The following ANKRD30A variants were observed in gnomAD, a reference collection of about 807,000 sequenced individuals.
ANKRD30A encodes ankyrin repeat domain-containing protein 30A.
Under a neutral mutation model 166.3 loss-of-function variants are expected in ANKRD30A, and 170 were observed. That is an observed-to-expected ratio of 1.02 (90% confidence interval 0.90 to 1.16). The LOEUF (loss-of-function observed/expected upper bound fraction) is 1.16. Among genes scored for constraint, ANKRD30A ranks in the 50% most tolerant of loss-of-function variants. ANKRD30A has a pLI of 0.00. For synonymous variants in ANKRD30A, 564 were observed against 508.9 expected (o/e 1.11, Z -1.46); for missense variants, 1,630 against 1,518.0 (o/e 1.07, Z -1.23).
downstream of ANKRD30A, among the ~76,000 whole-genome samples, chr10:37,233,060 C>A (rs1843524749): frequency 6.6e-6 from 1 of 151,828 alleles, no homozygotes; most frequent in South Asian, 2.1e-4. Flanking sequence ...CTCTTTAATG[C>A]AGAGAAAAAT....
intron 34 of ANKRD30A, among the ~76,000 whole-genome samples, chr10:37,222,279 C>T (rs1842934938): frequency 6.6e-6 from 1 of 151,270 alleles, no homozygotes; most frequent in African/African-American, 2.4e-5. Context: ...TCACCTTCCC[C>T]AGTCCTAGGC....
chr10:37,153,316 A>G (rs181751120), intron 12 of ANKRD30A, among the ~76,000 whole-genome samples: 60 of 151,152 alleles, frequency 4.0e-4, no homozygotes, highest in Middle Eastern at 3.4e-3. Context: ...GAATTTTTTT[A>G]TCAAGGTGAT....
intron 13 of ANKRD30A, among the ~76,000 whole-genome samples, chr10:37,155,060 C>A (rs1475809193): frequency 6.6e-6 from 1 of 152,086 alleles, no homozygotes; most frequent in Non-Finnish European, 1.5e-5. Flanking sequence ...TAGCAAATAA[C>A]ATGATACACG....
chr10:37,162,243 C>A (rs1838963232), intron 15 of ANKRD30A, among the ~76,000 whole-genome samples: 1 of 152,146 alleles, frequency 6.6e-6, no homozygotes, highest in Non-Finnish European at 1.5e-5. Flanking sequence ...CTACATTCAG[C>A]TGAACTTTCA....
At chr10:37,215,714 G>T (rs1429276163) in intron 31 of ANKRD30A, among the ~76,000 whole-genome samples, 23 of 151,284 alleles carry the variant, frequency 1.5e-4, no homozygotes, top group Admixed American at 6.6e-5. Flanking sequence ...TTTCTTTTTA[G>T]TTATTTTAGC....
chr10:37,220,030 A>ATATATATATAT (rs1842831122), intron 34 of ANKRD30A, 133 bp downstream of exon 34: 2 of 147,468 alleles, frequency 1.4e-5, no homozygotes, highest in Non-Finnish European at 2.5e-5. Flanking sequence ...TATATATATA[A>ATATATATATAT]TATATGTATG....
intron 15 of ANKRD30A, among the ~76,000 whole-genome samples, chr10:37,159,092 G>T (rs964177882): frequency 5.3e-5 from 8 of 152,116 alleles, no homozygotes; most frequent in African/African-American, 1.4e-4. Context: ...CTCTTTGCTA[G>T]ACATAGTGTT....
intron 34 of ANKRD30A, among the ~76,000 whole-genome samples, chr10:37,228,208 G>A (rs1843250209): frequency 6.6e-6 from 1 of 152,000 alleles, no homozygotes; most frequent in South Asian, 2.1e-4. Flanking sequence ...ACAAATAATA[G>A]TGAAATTAGT....
downstream of ANKRD30A, chr10:37,232,697 T>TAA (rs1273812991): frequency 1.3e-5 from 1 of 78,400 alleles, no homozygotes; most frequent in Non-Finnish European, 2.4e-5. Flanking sequence ...TATATATAAA[T>TAA]AGAGAGAGAG....
downstream of ANKRD30A, among the ~76,000 whole-genome samples, chr10:37,235,157 C>T (rs1588972625): frequency 6.6e-6 from 1 of 152,176 alleles, no homozygotes; most frequent in African/African-American, 2.4e-5. Context: ...TTTTTATCTA[C>T]TTAGCCAAAT....
intron 34 of ANKRD30A, among the ~76,000 whole-genome samples, chr10:37,225,243 GT>G (rs1843095349): frequency 6.6e-6 from 1 of 151,394 alleles, no homozygotes; most frequent in African/African-American, 2.4e-5. Context: ...GTTAAATTTT[GT>G]TAGAATGTTT....
intron 6 of ANKRD30A, among the ~76,000 whole-genome samples, chr10:37,139,867 A>G (rs1836981143): frequency 2.0e-5 from 3 of 152,146 alleles, no homozygotes; most frequent in Admixed American, 6.5e-5. Flanking sequence ...CTTGAGCAAT[A>G]TGAGAGTTAG....
At position 37,136,645 on chromosome 10, in the gene ANKRD30A, C is replaced by A; in HGVS notation, c.794C>A (p.Ser265Tyr). Residue 265 changes from serine to tyrosine, a missense_variant, in exon 6 of 36, where the codon TCT becomes TAT. Ser to Tyr is a moderately radical substitution (Grantham distance 144, BLOSUM62 -2). Transcript: ENST00000361713. The stretch of plus-strand genomic sequence containing the variant: ...ATTATGGAATATATACGAAAATTAT[C>A]TAAAAATCATCAAAATACCAATCCA... ...EQIMEYIRKL[S>Y]KNHQNTNPEG... The A allele has an allele frequency of 2.1e-6, 3 of 1,417,932 alleles. No individual in the cohort carries two copies. The highest frequency in any genetic ancestry group is 1.3e-5 in the South Asian group (1 of 79,322). The allele number at this position is 1,417,932 out of a possible 1,614,324, so 87.8% of individuals were successfully genotyped here. A position where few individuals can be genotyped will look rare whatever the true frequency, so the allele number is the denominator to read the frequency against.
the ANKRD30A span, among the ~76,000 whole-genome samples, chr10:37,242,400 C>A: frequency 6.6e-6 from 1 of 151,968 alleles, no homozygotes; most frequent in African/African-American, 2.4e-5. Context: ...AACATCTCCT[C>A]TGTCATGTTA....
Position 37,142,269 on chromosome 10 carries a change from T to C in ANKRD30A, c.1372T>C (p.Ser458Pro), listed in dbSNP as rs1837197215. Residue 458 changes from serine (S) to proline (P), a missense_variant, in exon 7 of 36, where the codon TCT becomes CCT. Coordinates refer to ENST00000361713, the MANE Select transcript of ANKRD30A (RefSeq NM_052997.3). ...KMIACPTKES[S>P]TKASANDQRF... The stretch of plus-strand genomic sequence containing the variant: ...GATTGCATGTCCTACAAAAGAATCA[T>C]CTACAAAAGCAAGTGCCAATGGTAA... 1.3e-6 allele frequency: 2 copies of C among 1,595,080 alleles called. No individual in the cohort carries two copies. The highest frequency in any genetic ancestry group is 2.3e-5 in the South Asian group (2 of 86,480).
At chr10:37,133,815 C>G in intron 4 of ANKRD30A, 101 bp from the exon 5 acceptor site, 1 of 1,380,066 alleles carries the variant, frequency 7.2e-7, no homozygotes, top group Admixed American at 2.0e-5. Context: ...ACTCAAGATA[C>G]TTATGTTTGT....
chr10:37,149,929 T>C (rs1229623282), intron 11 of ANKRD30A, 80 bp downstream of exon 11: 32 of 1,563,562 alleles, frequency 2.0e-5, no homozygotes, highest in Middle Eastern at 4.4e-4. Context: ...CCCAATGCTT[T>C]ATTTTTTTCA....
At chr10:37,249,943 C>A in the ANKRD30A span, among the ~76,000 whole-genome samples, 2 of 152,012 alleles carry the variant, frequency 1.3e-5, no homozygotes, top group Admixed American at 1.3e-4. Context: ...GGCAGAGATT[C>A]CAGGGGAGAG....
At chr10:37,222,246 C>T (rs1408682601) in intron 34 of ANKRD30A, among the ~76,000 whole-genome samples, 2 of 151,188 alleles carry the variant, frequency 1.3e-5, no homozygotes, top group Non-Finnish European at 3.0e-5. Context: ...TTAGTCATCA[C>T]CACCGCCCAC....
Sources: gnomAD v4.1 joint callset for allele counts (sites outside exome capture counted in the v4.1 genomes callset) on GRCh38, gnomAD v4.1.1 for gene constraint, MANE v1.5 for transcripts, NCBI Gene and HGNC (gene_info 2026-07-23, HGNC 2026-07-21) for gene names.